KCNK2: variants seen among roughly 807,000 people sequenced by gnomAD.
The protein encoded by KCNK2 is potassium channel subfamily K member 2.
In KCNK2, 21 loss-of-function variants were observed where a neutral mutation model predicts 40.5. The observed-to-expected ratio is 0.52, with a 90% CI of 0.37 to 0.75. The LOEUF (loss-of-function observed/expected upper bound fraction) is 0.75. Ranked by LOEUF, KCNK2 falls within the 30% of genes least tolerant of loss-of-function variation. The pLI is 0.00. For synonymous variants in KCNK2, 191 were observed against 202.2 expected, an observed-to-expected ratio of 0.94 and a Z score of 0.47; for missense variants, 399 against 531.6, an observed-to-expected ratio of 0.75 and a Z score of 2.45.
intron 6 of KCNK2, among the ~76,000 whole-genome samples, chr1:215,195,922 C>T (rs1234142208): frequency 3.9e-5 from 6 of 152,086 alleles, no homozygotes; most frequent in African/African-American, 1.4e-4. Flanking sequence ...CCATTGCCTT[C>T]GTTTAACTAT....
chr1:215,084,470 G>A (rs1247083203), intron 1 of KCNK2, among the ~76,000 whole-genome samples: 2 of 152,122 alleles, frequency 1.3e-5, no homozygotes, highest in Non-Finnish European at 2.9e-5. Flanking sequence ...TGTTGTTTTT[G>A]TTCCAAAGAT....
chr1:215,055,989 T>C (rs1365921588), intron 1 of KCNK2, among the ~76,000 whole-genome samples: 1 of 152,156 alleles, frequency 6.6e-6, no homozygotes, highest in African/African-American at 2.4e-5. Context: ...ACCTCAAAGA[T>C]AAATTCATCT....
At chr1:215,080,299 A>G (rs974017483), upstream of KCNK2, among the ~76,000 whole-genome samples, 3 of 152,238 alleles carry the variant, frequency 2.0e-5, no homozygotes, top group African/African-American at 7.2e-5. Flanking sequence ...AAATTTGCAG[A>G]AAACTCGGAG....
At chr1:215,064,529 C>T (rs985665637) in intron 1 of KCNK2, among the ~76,000 whole-genome samples, 1 of 152,164 alleles carries the variant, frequency 6.6e-6, no homozygotes, top group South Asian at 2.1e-4. Flanking sequence ...CCATTGGCTT[C>T]CCTGGGTGAT....
At chr1:215,022,448 G>A (rs562560252) in intron 1 of KCNK2, among the ~76,000 whole-genome samples, 1 of 129,974 alleles carries the variant, frequency 7.7e-6, no homozygotes, top group African/African-American at 2.5e-5. Flanking sequence ...AGCTCCTCTT[G>A]TGAAACAAGA....
rs192550608 is a variant in KCNK2 at position 215,155,981 on chromosome 1, G to T, written c.476-13218G>T. Among the ~76,000 whole-genome samples the T allele has an allele frequency of 1.2e-3, 181 of 152,154 alleles. 1 individual carries two copies. The highest frequency in any genetic ancestry group is 1.9e-3 in the Non-Finnish European group (131 of 68,006). ...CAATTATCCATTAGTTAATAAGGAA[G>T]TACTCATGCAAAGTTCTGGAGTTAT... On this transcript the variant is annotated intron_variant, in intron 3 of 6. Coordinates refer to ENST00000444842, the MANE Select transcript of KCNK2 (RefSeq NM_001017425.3).
chr1:215,107,786 G>C (rs920296825), intron 2 of KCNK2, among the ~76,000 whole-genome samples: 1 of 151,644 alleles, frequency 6.6e-6, no homozygotes, highest in Non-Finnish European at 1.5e-5. Flanking sequence ...CCGTGGGTTC[G>C]GCATCCAGGG....
intron 2 of KCNK2, among the ~76,000 whole-genome samples, chr1:215,096,703 T>C (rs956920934): frequency 1.3e-5 from 2 of 151,964 alleles, no homozygotes; most frequent in Admixed American, 6.6e-5. Context: ...CATGTTTTGA[T>C]AGGCAACACA....
intron 1 of KCNK2, among the ~76,000 whole-genome samples, chr1:215,048,092 C>G (rs1657848202): frequency 6.6e-6 from 1 of 152,152 alleles, no homozygotes; most frequent in South Asian, 2.1e-4. Context: ...CAAAGATATT[C>G]CTGGGTTTTA....
At chr1:215,034,979 G>A (rs1657334412) in intron 1 of KCNK2, among the ~76,000 whole-genome samples, 1 of 151,936 alleles carries the variant, frequency 6.6e-6, no homozygotes, top group Non-Finnish European at 1.5e-5. Context: ...TTCTCTGACA[G>A]TGAAAAACCT....
chr1:215,125,789 T>A (rs1661406417), intron 3 of KCNK2, among the ~76,000 whole-genome samples: 1 of 64,900 alleles, frequency 1.5e-5, no homozygotes, highest in African/African-American at 3.3e-5. Context: ...AAATAAAATT[T>A]GAAAAAAAAA....
chr1:215,210,529 T>G (rs1396699171), intron 6 of KCNK2, among the ~76,000 whole-genome samples: 1 of 152,114 alleles, frequency 6.6e-6, no homozygotes, highest in African/African-American at 2.4e-5. Flanking sequence ...AAAAGATGCA[T>G]AGCACTAATT....
chr1:215,169,833 A>G (rs1488071025), intron 4 of KCNK2, among the ~76,000 whole-genome samples: 2 of 152,034 alleles, frequency 1.3e-5, no homozygotes, highest in South Asian at 2.1e-4. Flanking sequence ...TTTAGTAGAG[A>G]TGGGGTTTCA....
intron 3 of KCNK2, among the ~76,000 whole-genome samples, chr1:215,141,874 A>G (rs1379022348): frequency 6.6e-6 from 1 of 152,072 alleles, no homozygotes; most frequent in East Asian, 1.9e-4. Flanking sequence ...AAAGTTTTCT[A>G]TTACATTATA....
chr1:215,036,133 G>GTT (rs34635305), intron 1 of KCNK2, among the ~76,000 whole-genome samples: 82 of 146,598 alleles, frequency 5.6e-4, no homozygotes, highest in Middle Eastern at 3.5e-3. Flanking sequence ...GCTCTCATGT[G>GTT]TTTTTTTTTT....
At chr1:215,068,613 T>G (rs1016683794) in intron 1 of KCNK2, among the ~76,000 whole-genome samples, 6 of 152,190 alleles carry the variant, frequency 3.9e-5, no homozygotes, top group Non-Finnish European at 7.3e-5. Flanking sequence ...ATAGCTACAC[T>G]TGGTGGCTGG....
At chr1:215,184,849 T>C (rs1221884093) in intron 5 of KCNK2, among the ~76,000 whole-genome samples, 1 of 152,066 alleles carries the variant, frequency 6.6e-6, no homozygotes, top group African/African-American at 2.4e-5. Context: ...GTCAATTCAG[T>C]ATGTGGCCCT....
intron 1 of KCNK2, among the ~76,000 whole-genome samples, chr1:215,006,377 T>C (rs999701618): frequency 6.6e-6 from 1 of 152,204 alleles, no homozygotes; most frequent in African/African-American, 2.4e-5. Flanking sequence ...TTACTTAGAA[T>C]ATTAGTTATT....
rs565205858 is a variant in KCNK2, at chr1:215,232,917, A to G, written c.964-1911A>G. On this transcript the variant is annotated intron_variant, in intron 6 of 6. Coordinates refer to ENST00000444842, the MANE Select transcript of KCNK2 (RefSeq NM_001017425.3). The stretch of plus-strand genomic sequence containing the variant: ...CTTAGGTAAAAAATAGAAAAATAAT[A>G]TAAACTGTGGGAGGGTTTATTTGTA... Among the ~76,000 whole-genome samples, 7 of 152,300 alleles carry G rather than the reference A, an allele frequency of 4.6e-5. 1 individual carries two copies. In the East Asian group the frequency reaches 7.7e-4, roughly 17 times the overall value.
Sources: allele counts gnomAD v4.1 joint callset (sites outside exome capture counted in the v4.1 genomes callset), GRCh38; gene constraint gnomAD v4.1.1; transcripts MANE v1.5; gene names NCBI Gene and HGNC (gene_info 2026-07-23, HGNC 2026-07-21).